The following DUS3L variants were observed in gnomAD, a reference collection of about 807,000 sequenced individuals.
DUS3L encodes dihydrouridine synthase 3 like.
In DUS3L, 62 loss-of-function variants were observed where a neutral mutation model predicts 74.6. That is an observed-to-expected ratio of 0.83 (90% confidence interval 0.68 to 1.03). The LOEUF (loss-of-function observed/expected upper bound fraction) is 1.03, where lower values mean the gene tolerates loss of function less well. Among genes scored for constraint, DUS3L ranks in the 50% least tolerant of loss-of-function variants. The pLI, the probability that DUS3L is intolerant of heterozygous loss-of-function variation, is 0.00. For synonymous variants in DUS3L, 433 were observed against 395.7 expected (o/e 1.09, Z -1.12); for missense variants, 884 against 924.4 (o/e 0.96, Z 0.57).
In DUS3L at chr19:5,785,493, C is replaced by T; in HGVS notation, c.1770G>A (p.Leu590=). 6.4e-7 allele frequency: 1 copy of T among 1,570,128 alleles called. No individual in the cohort carries two copies. The highest frequency in any genetic ancestry group is 8.6e-7 in the Non-Finnish European group (1 of 1,157,848). ...SFLCRYVPVG[L]LERLPQRINE... ...TGATCCTCTGTGGGAGCCGCTCCAG[C>T]AGCCCCACGGGCACGTACCTGCGGC... Residue 590 remains leucine (L), a synonymous_variant, in exon 12 of 13, where the codon CTG becomes CTA. Coordinates refer to ENST00000309061, the MANE Select transcript of DUS3L (RefSeq NM_020175.3).
chr19:5,790,385 C>T, intron 1 of DUS3L, 50 bp from the exon 2 acceptor site: 10 of 1,605,984 alleles, frequency 6.2e-6, no homozygotes, highest in Non-Finnish European at 7.7e-6. Flanking sequence ...TCAATAAACA[C>T]TGGGGAAAGG....
At position 5,786,850 on chromosome 19, in the gene DUS3L, G is replaced by C. The variant is rs1476023530; in HGVS notation, c.1390-5C>G. ...CTCCCGAGAGCGGCCGTGGAGCTGG[G>C]GGAGAAGCCGCCACGCAGGGTAGGA... On this transcript the variant is annotated splice_region_variant and splice_polypyrimidine_tract_variant and intron_variant, in intron 8 of 12. Transcript: ENST00000309061. 1 of 1,605,168 alleles carries C rather than the reference G, an allele frequency of 6.2e-7. No homozygotes were observed. The highest frequency in any genetic ancestry group is 1.3e-5 in the African/African-American group (1 of 74,860).
Position 5,789,717 on chromosome 19 carries a change from C to A in DUS3L, c.390G>T (p.Glu130Asp). The A allele has an allele frequency of 1.2e-6, 2 of 1,600,140 alleles. No homozygotes were observed. The highest frequency in any genetic ancestry group is 1.7e-6 in the Non-Finnish European group (2 of 1,174,460). Residue 130 changes from glutamate (E) to aspartate (D), a missense_variant and splice_region_variant, in exon 3 of 13, where the codon GAG (glutamate) becomes GAT (aspartate). Physicochemically the swap from Glu to Asp is conservative, Grantham distance 45 (BLOSUM62 2). Transcript: ENST00000309061. ...KNRLCPSLIQ[E>D]SAAKCFFGDR... Reference sequence around the variant, plus strand: ...CACCGAAGAAACACTTAGCAGCCGACTCCTGCGAGGAAACAGGGAAGCAGT... The same window carrying A: ...CACCGAAGAAACACTTAGCAGCCGAATCCTGCGAGGAAACAGGGAAGCAGT...
intron 7 of DUS3L, 54 bp downstream of exon 7, chr19:5,787,242 A>ATGG (rs1568386398): frequency 1.4e-5 from 7 of 483,156 alleles, no homozygotes; most frequent in African/African-American, 1.0e-4. Context: ...GTGGTGGGAG[A>ATGG]CAGGGCCCGG....
At position 5,789,592 on chromosome 19, in the gene DUS3L, G is replaced by T; in HGVS notation, c.515C>A (p.Pro172His). The change falls in exon 3 of 13, where the codon CCC becomes CAC. Residue 172 changes from proline to histidine, a missense_variant. Physicochemically the swap from Pro to His is moderately conservative, Grantham distance 77 (BLOSUM62 -2). Transcript: ENST00000309061. ...CVLFETFGRC[P>H]YGVTCRFAGA... ...AGCGAAGCGGCAGGTCACGCCGTAGGGGCACCGGCCGAAGGTCTCGAAGAG... is the reference window on the plus strand; with the variant it reads ...AGCGAAGCGGCAGGTCACGCCGTAGTGGCACCGGCCGAAGGTCTCGAAGAG... 6.3e-7 allele frequency: 1 copy of T among 1,587,408 alleles called. No homozygotes were observed.
Position 5,788,393 on chromosome 19 carries a change from G to A in DUS3L, c.906C>T (p.Asp302=), listed in dbSNP as rs1416712326. ...GGGCCAGGTAAAGTTTGCCACGGAT[G>A]TCCAGCTGGAGGGAAAAAAATACAC... ...RLRPCEKKRL[D]IRGKLYLAPL... is the part of the protein sequence containing the mutation. The change falls in exon 4 of 13, where the codon GAC becomes GAT. Residue 302 remains aspartate, a synonymous_variant. Transcript: ENST00000309061. 5.6e-6 allele frequency: 9 copies of A among 1,613,428 alleles called. No homozygotes were observed. In the South Asian group the frequency reaches 6.6e-5, roughly 12 times the overall value.
At chr19:5,786,313 G>A (rs1324933262) in intron 10 of DUS3L, among the ~76,000 whole-genome samples, 154 bp downstream of exon 10, 1 of 152,162 alleles carries the variant, frequency 6.6e-6, no homozygotes, top group Non-Finnish European at 1.5e-5. Context: ...AGTCCCCTCT[G>A]CCGCAACGCA....
intron 8 of DUS3L, 85 bp from the exon 9 acceptor site, chr19:5,786,930 C>T (rs1419163533): frequency 6.7e-7 from 1 of 1,503,730 alleles, no homozygotes; most frequent in South Asian, 1.3e-5. Context: ...CTGAGAGAGA[C>T]AGAGAGAGAC....
In DUS3L at chr19:5,791,142, C is replaced by T. The variant is rs1434809865; in HGVS notation, c.-1G>A. The T allele has an allele frequency of 1.2e-5, 19 of 1,603,232 alleles. No individual in the cohort carries two copies. The highest frequency in any genetic ancestry group is 1.6e-5 in the Non-Finnish European group (19 of 1,175,330). ...GAGCCTCCGCCGTTCCCTCCGCCATCGGCGCCCCTCACATCCGCTCTGGAG... is the reference window on the plus strand; with the variant it reads ...GAGCCTCCGCCGTTCCCTCCGCCATTGGCGCCCCTCACATCCGCTCTGGAG... On this transcript the variant is annotated 5_prime_UTR_variant, in exon 1 of 13. Transcript: ENST00000309061.
Position 5,785,222 on chromosome 19 carries a change from T to C in DUS3L, c.1934A>G (p.Lys645Arg). ...PPSFAFLPKH[K>R]ANAYK Reference sequence around the variant, plus strand: ...CTGAGGCTACTTGTACGCGTTGGCCTTGTGCTTCGGCAAGAAGGCGAAGCT... The same window carrying C: ...CTGAGGCTACTTGTACGCGTTGGCCCTGTGCTTCGGCAAGAAGGCGAAGCT... The change falls in exon 13 of 13, where the codon AAG becomes AGG. Residue 645 changes from lysine (K) to arginine (R), a missense_variant. Coordinates refer to ENST00000309061, the MANE Select transcript of DUS3L (RefSeq NM_020175.3). The C allele has an allele frequency of 6.2e-7, 1 of 1,609,546 alleles. No individual in the cohort carries two copies. The highest frequency in any genetic ancestry group is 1.1e-5 in the South Asian group (1 of 90,370).
At chr19:5,785,919 G>C (rs1254749527) in intron 10 of DUS3L, 128 bp from the exon 11 acceptor site, 1 of 1,005,160 alleles carries the variant, frequency 9.9e-7, no homozygotes, top group East Asian at 2.7e-5. Context: ...AAGCCTCCCA[G>C]CTGCATGCAC....
intron 10 of DUS3L, chr19:5,786,086 G>T: frequency 2.1e-6 from 1 of 481,820 alleles, no homozygotes; most frequent in Non-Finnish European, 3.7e-6. Context: ...CTAGTAGTTG[G>T]GATTACAGGC....
intron 7 of DUS3L, 25 bp downstream of exon 7, chr19:5,787,260 GTTTGGGAGCCA>G (rs2056862488): frequency 5.7e-6 from 1 of 174,228 alleles, no homozygotes; most frequent in Admixed American, 8.7e-5. Context: ...CGGGGGAGTT[GTTTGGGAGCCA>G]GTGCGAGGAT....
At chr19:5,787,856 G>A (rs767407562) in intron 5 of DUS3L, 151 bp from the exon 6 acceptor site, 36 of 1,430,298 alleles carry the variant, frequency 2.5e-5, no homozygotes, top group South Asian at 6.3e-5. Flanking sequence ...GCGAGGCACC[G>A]GTCCCCGGCC....
rs2056903019 is a variant in DUS3L, at chr19:5,790,819, C to T, written c.98+225G>A. On this transcript the variant is annotated intron_variant, in intron 1 of 12. Coordinates refer to ENST00000309061, the MANE Select transcript of DUS3L (RefSeq NM_020175.3). ...GCGCGGGCCTGGCCTCAAATCCCAC[C>T]TGCCCTAGCATGCACGTGGTGTCCT... The T allele has an allele frequency of 1.3e-5, 8 of 599,072 alleles. No homozygotes were observed. In the South Asian group the frequency reaches 1.6e-4, roughly 12 times the overall value. 37.1% of individuals were successfully genotyped at this position (599,072 alleles called of 1,614,324 possible).
intron 5 of DUS3L, 150 bp downstream of exon 5, chr19:5,787,874 T>C: frequency 6.9e-7 from 1 of 1,441,408 alleles, no homozygotes; most frequent in Non-Finnish European, 9.4e-7. Context: ...GCCACGGCCA[T>C]CAGCCCCCAG....
Position 5,785,172 on chromosome 19 carries a change from C to A in DUS3L, c.*31G>T. ...AGAATAAAATTTATTGTACTCTCCT[C>A]GCCCCAGGGTGCCCCTGGGAAAGCC... On this transcript the variant is annotated 3_prime_UTR_variant, in exon 13 of 13. Coordinates refer to ENST00000309061, the MANE Select transcript of DUS3L (RefSeq NM_020175.3). 6.3e-7 allele frequency: 1 copy of A among 1,576,836 alleles called. No individual in the cohort carries two copies.
chr19:5,787,228 G>GGAGGTGGTGGGAGATGGTGA (rs2056861035), intron 7 of DUS3L, 57 bp from the exon 8 acceptor site: 2 of 1,543,168 alleles, frequency 1.3e-6, no homozygotes. Context: ...GGAGACGGTG[G>GGAGGTGGTGGGAGATGGTGA]GAGGTGGTGG....
chr19:5,788,217 GCACA>G (rs113274115), intron 4 of DUS3L, 41 bp from the exon 5 acceptor site: 282 of 1,500,908 alleles, frequency 1.9e-4, no homozygotes, highest in South Asian at 1.3e-3. Context: ...TCTTGCACGC[GCACA>G]CACACACACA....
Sources: allele counts gnomAD v4.1 joint callset (sites outside exome capture counted in the v4.1 genomes callset), GRCh38; gene constraint gnomAD v4.1.1; transcripts MANE v1.5; gene names NCBI Gene and HGNC (gene_info 2026-07-23, HGNC 2026-07-21).